MALRD1: variants seen among roughly 807,000 people sequenced by gnomAD.
MALRD1 encodes MAM and LDL-receptor class A domain-containing protein 1.
MALRD1 carries 247 observed loss-of-function variants against 242.1 expected under a neutral mutation model. The ratio of observed to expected loss-of-function variants is 1.02; its 90% confidence interval spans 0.92 to 1.13. The LOEUF (loss-of-function observed/expected upper bound fraction) is 1.13, where lower values mean the gene tolerates loss of function less well. Ranked by LOEUF, MALRD1 falls within the 50% of genes most tolerant of loss-of-function variation. The pLI is 0.00. For synonymous variants in MALRD1, 995 were observed against 866.6 expected (o/e 1.15, Z -2.60); for missense variants, 2,989 against 2,533.1 (o/e 1.18, Z -3.86).
intron 29 of MALRD1, among the ~76,000 whole-genome samples, chr10:19,478,888 G>A (rs1040285230): frequency 6.6e-6 from 1 of 152,120 alleles, no homozygotes; most frequent in African/African-American, 2.4e-5. Context: ...ATGGTTGAGA[G>A]CCTTTTTAGC....
chr10:19,330,335 C>T (rs1171662718), intron 23 of MALRD1, among the ~76,000 whole-genome samples: 1 of 151,122 alleles, frequency 6.6e-6, no homozygotes, highest in African/African-American at 2.4e-5. Context: ...TAAAGACTTA[C>T]CGCATCTGAA....
chr10:19,571,611 G>A (rs1272510776), intron 33 of MALRD1, among the ~76,000 whole-genome samples: 3 of 152,202 alleles, frequency 2.0e-5, no homozygotes, highest in East Asian at 1.9e-4. Context: ...AAATATAGTT[G>A]TTAAAAAATG....
At chr10:19,454,501 T>A (rs1326525308) in intron 29 of MALRD1, among the ~76,000 whole-genome samples, 1 of 147,560 alleles carries the variant, frequency 6.8e-6, no homozygotes, top group Non-Finnish European at 1.5e-5. Context: ...ATTCCTGGAC[T>A]TATGATGGTG....
chr10:19,648,100 G>A (rs1396298456), intron 36 of MALRD1, among the ~76,000 whole-genome samples: 1 of 152,152 alleles, frequency 6.6e-6, no homozygotes, highest in Non-Finnish European at 1.5e-5. Context: ...GAATGTGAAG[G>A]CTGTGTTCCA....
chr10:19,645,405 G>A (rs1589352776), intron 36 of MALRD1, among the ~76,000 whole-genome samples: 1 of 152,168 alleles, frequency 6.6e-6, no homozygotes, highest in Admixed American at 6.5e-5. Context: ...TATAAATCAT[G>A]CTGCTATAAA....
At chr10:19,628,014 AAAAT>A (rs1249140627) in intron 36 of MALRD1, among the ~76,000 whole-genome samples, 2 of 152,106 alleles carry the variant, frequency 1.3e-5, no homozygotes, top group East Asian at 3.8e-4. Flanking sequence ...CAGAAAAAGG[AAAAT>A]AAATGGTCAA....
intron 21 of MALRD1, among the ~76,000 whole-genome samples, chr10:19,299,781 T>C (rs1240459945): frequency 6.6e-6 from 1 of 151,908 alleles, no homozygotes; most frequent in Non-Finnish European, 1.5e-5. Context: ...GGACAAAAGC[T>C]GGAAGCATTC....
chr10:19,689,385 C>T (rs531101274), intron 36 of MALRD1, among the ~76,000 whole-genome samples: 1 of 152,228 alleles, frequency 6.6e-6, no homozygotes, highest in South Asian at 2.1e-4. Context: ...ATTTCCTTGA[C>T]ACTTCAAGCA....
chr10:19,194,814 C>T (rs949844300), intron 14 of MALRD1, among the ~76,000 whole-genome samples: 3 of 152,112 alleles, frequency 2.0e-5, no homozygotes, highest in Non-Finnish European at 2.9e-5. Context: ...GGCTTTTTCC[C>T]CTGTAATCAG....
intron 38 of MALRD1, among the ~76,000 whole-genome samples, chr10:19,725,649 T>C (rs1309607477): frequency 6.6e-6 from 1 of 152,164 alleles, no homozygotes; most frequent in African/African-American, 2.4e-5. Flanking sequence ...GCCAAAACAA[T>C]GTTGGAGAAC....
chr10:19,734,124 T>A, intron 39 of MALRD1, 33 bp from the exon 40 acceptor site: 1 of 1,493,746 alleles, frequency 6.7e-7, no homozygotes. Context: ...ATGCCTAAAA[T>A]TCCACCCTTT....
intron 32 of MALRD1, among the ~76,000 whole-genome samples, chr10:19,531,573 A>T (rs1337816178): frequency 6.6e-6 from 1 of 152,158 alleles, no homozygotes; most frequent in African/African-American, 2.4e-5. Flanking sequence ...CCTGAACTCA[A>T]TTATGTTGTA....
intron 28 of MALRD1, among the ~76,000 whole-genome samples, chr10:19,429,329 G>A (rs187086431): frequency 6.6e-6 from 1 of 152,264 alleles, no homozygotes; most frequent in Non-Finnish European, 1.5e-5. Context: ...CAGCACTTCA[G>A]GAGGCCGAGA....
chr10:19,282,375 C>A (rs1022534760), intron 20 of MALRD1, among the ~76,000 whole-genome samples: 2 of 152,060 alleles, frequency 1.3e-5, no homozygotes, highest in African/African-American at 4.8e-5. Context: ...GAGTGCACAC[C>A]AGGTTTTCTA....
chr10:19,517,209 T>A (rs1377206322), intron 31 of MALRD1, among the ~76,000 whole-genome samples: 1 of 152,226 alleles, frequency 6.6e-6, no homozygotes, highest in Non-Finnish European at 1.5e-5. Context: ...ATATGCTTTT[T>A]TATCTGAGGG....
intron 29 of MALRD1, among the ~76,000 whole-genome samples, chr10:19,479,809 G>A (rs371869498): frequency 6.6e-6 from 1 of 152,092 alleles, no homozygotes; most frequent in Non-Finnish European, 1.5e-5. Flanking sequence ...TTCAATCCCT[G>A]GCCTTCAAGG....
chr10:19,154,976 T>C, intron 11 of MALRD1, 99 bp from the exon 12 acceptor site: 2 of 571,922 alleles, frequency 3.5e-6, no homozygotes, highest in Non-Finnish European at 5.2e-6. Context: ...TTTTCTTTAA[T>C]TGATAGTTTA....
chr10:19,199,725 C>T (rs568876712), intron 14 of MALRD1, among the ~76,000 whole-genome samples: 176 of 152,032 alleles, frequency 1.2e-3, no homozygotes, highest in African/African-American at 3.6e-3. Context: ...TGCTTGAACC[C>T]GGGAGGTGGA....
chr10:19,667,023 A>C (rs1564527387), intron 36 of MALRD1, among the ~76,000 whole-genome samples: 1 of 152,116 alleles, frequency 6.6e-6, no homozygotes, highest in Non-Finnish European at 1.5e-5. Flanking sequence ...TGCTGGATGA[A>C]ACACTAAATG....
Sources: gnomAD v4.1 joint callset for allele counts (sites outside exome capture counted in the v4.1 genomes callset) on GRCh38, gnomAD v4.1.1 for gene constraint, MANE v1.5 for transcripts, NCBI Gene and HGNC (gene_info 2026-07-23, HGNC 2026-07-21) for gene names.